The following COMMD10 variants were observed in gnomAD, a reference collection of about 807,000 sequenced individuals.
COMMD10 encodes COMM domain-containing protein 10.
Under a neutral mutation model 28.9 loss-of-function variants are expected in COMMD10, and 33 were observed. That is an observed-to-expected ratio of 1.14 (90% CI 0.87 to 1.53). The LOEUF (loss-of-function observed/expected upper bound fraction) is 1.53, where lower values mean the gene tolerates loss of function less well. Among genes scored for constraint, COMMD10 ranks in the 40% most tolerant of loss-of-function variants. COMMD10 has a pLI of 0.00. For synonymous variants in COMMD10, 110 were observed against 81.7 expected (o/e 1.35, Z -1.87); for missense variants, 310 against 233.4 (o/e 1.33, Z -2.14).
intron 5 of COMMD10, among the ~76,000 whole-genome samples, chr5:116,139,941 C>A (rs1444015442): frequency 2.0e-5 from 3 of 151,690 alleles, no homozygotes; most frequent in African/African-American, 7.3e-5. Flanking sequence ...GTTTACGATA[C>A]AATATCATTA....
At chr5:116,212,469 G>A (rs1561669809) in intron 5 of COMMD10, among the ~76,000 whole-genome samples, 1 of 93,086 alleles carries the variant, frequency 1.1e-5, no homozygotes, top group African/African-American at 3.6e-5. Context: ...CAGAAATGAG[G>A]TTCCAGTGAC....
intron 5 of COMMD10, among the ~76,000 whole-genome samples, chr5:116,204,326 C>G (rs1046466196): frequency 2.2e-4 from 34 of 152,260 alleles, no homozygotes; most frequent in South Asian, 2.1e-4. Context: ...TCACTAAATT[C>G]CACTTTTCTG....
At chr5:116,246,941 C>T (rs931213921) in intron 5 of COMMD10, among the ~76,000 whole-genome samples, 8 of 151,878 alleles carry the variant, frequency 5.3e-5, no homozygotes, top group East Asian at 1.9e-4. Flanking sequence ...ATGAAGACAC[C>T]GAAAGCGATT....
At chr5:116,099,294 G>T (rs1750573171) in intron 4 of COMMD10, among the ~76,000 whole-genome samples, 1 of 152,072 alleles carries the variant, frequency 6.6e-6, no homozygotes, top group African/African-American at 2.4e-5. Context: ...GTCACAAATG[G>T]CAGTGTTTTC....
At chr5:116,174,281 C>G (rs1753432313) in intron 5 of COMMD10, among the ~76,000 whole-genome samples, 1 of 151,992 alleles carries the variant, frequency 6.6e-6, no homozygotes, top group African/African-American at 2.4e-5. Flanking sequence ...AGAAGGAGGC[C>G]AGTGTGGCAG....
chr5:116,271,908 A>T (rs1750770384), intron 5 of COMMD10, among the ~76,000 whole-genome samples: 1 of 151,760 alleles, frequency 6.6e-6, no homozygotes, highest in African/African-American at 2.4e-5. Flanking sequence ...GTAACCACCA[A>T]CCTCTCAGTT....
At chr5:116,130,865 A>G (rs913379920) in intron 4 of COMMD10, among the ~76,000 whole-genome samples, 1 of 151,676 alleles carries the variant, frequency 6.6e-6, no homozygotes, top group African/African-American at 2.4e-5. Flanking sequence ...AATGAACATA[A>G]TAAGTATAAC....
At chr5:116,283,877 C>T (rs998128483) in intron 5 of COMMD10, among the ~76,000 whole-genome samples, 1 of 151,800 alleles carries the variant, frequency 6.6e-6, no homozygotes, top group Non-Finnish European at 1.5e-5. Context: ...TGCCTGTAAT[C>T]CCAACACTTT....
At chr5:116,136,725 A>T (rs1358507080) in intron 5 of COMMD10, among the ~76,000 whole-genome samples, 1 of 152,134 alleles carries the variant, frequency 6.6e-6, no homozygotes. Context: ...GAGTACATTT[A>T]TGTTTTTCTG....
chr5:116,282,440 T>C (rs1751096008), intron 5 of COMMD10, among the ~76,000 whole-genome samples: 2 of 151,912 alleles, frequency 1.3e-5, no homozygotes, highest in South Asian at 2.1e-4. Context: ...TTCTTAAATA[T>C]GTAAACATAA....
chr5:116,270,480 A>G (rs1487128370), intron 5 of COMMD10, among the ~76,000 whole-genome samples: 1 of 151,824 alleles, frequency 6.6e-6, no homozygotes, highest in East Asian at 1.9e-4. Flanking sequence ...TGGCGTCTGT[A>G]TTTAGAACGG....
At chr5:116,290,027 G>C (rs1307804053) in intron 5 of COMMD10, among the ~76,000 whole-genome samples, 2 of 151,850 alleles carry the variant, frequency 1.3e-5, no homozygotes, top group African/African-American at 4.9e-5. Context: ...GCAAAATATA[G>C]AAAACAAGAA....
intron 5 of COMMD10, among the ~76,000 whole-genome samples, chr5:116,185,758 A>G (rs529542731): frequency 1.3e-5 from 2 of 152,254 alleles, no homozygotes; most frequent in Admixed American, 6.5e-5. Flanking sequence ...ACTGGTAAAT[A>G]ACAAATACAT....
chr5:116,254,695 G>A (rs931081574), intron 5 of COMMD10, among the ~76,000 whole-genome samples: 2 of 151,820 alleles, frequency 1.3e-5, no homozygotes, highest in African/African-American at 4.9e-5. Context: ...TTTTACATTT[G>A]CTGAGGAGAT....
intron 2 of COMMD10, among the ~76,000 whole-genome samples, chr5:116,088,396 GTCT>G (rs1750181525): frequency 6.6e-6 from 1 of 152,106 alleles, no homozygotes; most frequent in Non-Finnish European, 1.5e-5. Flanking sequence ...CCTGCCTATA[GTCT>G]TCTTGCTTTC....
intron 1 of COMMD10, among the ~76,000 whole-genome samples, chr5:116,086,640 A>G (rs1750108246): frequency 2.0e-5 from 3 of 152,122 alleles, no homozygotes; most frequent in Non-Finnish European, 4.4e-5. Context: ...TTGTATTTTT[A>G]GTAAAGATGG....
chr5:116,186,513 C>T (rs1748143684), intron 5 of COMMD10, among the ~76,000 whole-genome samples: 1 of 152,184 alleles, frequency 6.6e-6, no homozygotes, highest in South Asian at 2.1e-4. Flanking sequence ...TCCCACCTAA[C>T]TGTTCAGTTA....
At chr5:116,098,978 C>T (rs998440381) in intron 4 of COMMD10, among the ~76,000 whole-genome samples, 3 of 152,030 alleles carry the variant, frequency 2.0e-5, no homozygotes, top group Non-Finnish European at 2.9e-5. Context: ...TGAGTGTGTG[C>T]GTGAGGACAT....
At chr5:116,117,460 T>G (rs1300950023) in intron 4 of COMMD10, among the ~76,000 whole-genome samples, 1 of 152,198 alleles carries the variant, frequency 6.6e-6, no homozygotes, top group African/African-American at 2.4e-5. Context: ...TTAGTCATTC[T>G]TTTTTGTTTG....
Sources: allele counts gnomAD v4.1 joint callset (sites outside exome capture counted in the v4.1 genomes callset), GRCh38; gene constraint gnomAD v4.1.1; transcripts MANE v1.5; gene names NCBI Gene and HGNC (gene_info 2026-07-23, HGNC 2026-07-21).